Variants in PPP2CB observed in about 807,000 individuals in gnomAD.
PPP2CB encodes serine/threonine-protein phosphatase 2A catalytic subunit beta isoform.
A neutral mutation model predicts 39.1 loss-of-function variants in PPP2CB; 18 were observed. The ratio of observed to expected loss-of-function variants is 0.46; its 90% CI spans 0.32 to 0.68. The LOEUF is 0.68. Among genes scored for constraint, PPP2CB ranks in the 30% least tolerant of loss-of-function variants. PPP2CB has a pLI of 0.04. For missense variants in PPP2CB, 226 were observed against 396.9 expected (o/e 0.57, Z 3.66); for synonymous variants, 129 against 133.8 (o/e 0.96, Z 0.25).
At position 30,793,905 on chromosome 8, in the gene PPP2CB, GA is replaced by G; in HGVS notation, c.738+11del. 4.4e-6 allele frequency: 7 copies of G among 1,603,898 alleles called. No individual in the cohort carries two copies. Among genetic ancestry groups the G allele is most frequent in the Non-Finnish European group, 6.0e-6 (7 of 1,175,788 alleles). On this transcript the variant is annotated intron_variant, in intron 5 of 6. Transcript: ENST00000221138. The stretch of plus-strand genomic sequence containing the variant: ...TCTGAAATAAAGATCATTCTGTCAG[GA>G]AAGTACATACCTCCATTACAAGCTG...
At chr8:30,805,210 TA>T (rs1349634605) in intron 1 of PPP2CB, among the ~76,000 whole-genome samples, 1 of 152,174 alleles carries the variant, frequency 6.6e-6, no homozygotes, top group Non-Finnish European at 1.5e-5. Flanking sequence ...ATCCAGGACA[TA>T]AATATCATGC....
At chr8:30,792,346 C>T (rs888587264) in intron 5 of PPP2CB, among the ~76,000 whole-genome samples, 5 of 150,280 alleles carry the variant, frequency 3.3e-5, no homozygotes, top group South Asian at 2.1e-4. Context: ...CGAGCCACCA[C>T]GCCAGCTCAT....
chr8:30,792,275 GAA>G (rs1341441695), intron 5 of PPP2CB, among the ~76,000 whole-genome samples: 2 of 148,792 alleles, frequency 1.3e-5, no homozygotes, highest in Non-Finnish European at 3.0e-5. Flanking sequence ...GGCTGGTCTC[GAA>G]CTCCTGAGCT....
intron 1 of PPP2CB, among the ~76,000 whole-genome samples, chr8:30,806,976 C>T (rs1258564999): frequency 1.3e-5 from 2 of 152,104 alleles, no homozygotes; most frequent in Non-Finnish European, 2.9e-5. Flanking sequence ...GTAACAAAGT[C>T]CACTTTCCCG....
At chr8:30,795,112 GATTTT>G (rs1806498439) in intron 3 of PPP2CB, among the ~76,000 whole-genome samples, 1 of 147,116 alleles carries the variant, frequency 6.8e-6, no homozygotes, top group South Asian at 2.1e-4. Flanking sequence ...TTTTCTTTCT[GATTTT>G]GATTTTTTTT....
At chr8:30,800,735 G>GGCCTT (rs1806607330) in intron 1 of PPP2CB, among the ~76,000 whole-genome samples, 2 of 152,200 alleles carry the variant, frequency 1.3e-5, no homozygotes, top group African/African-American at 2.4e-5. Flanking sequence ...CACCAGAAGA[G>GGCCTT]ACTCTCAGGC....
intron 6 of PPP2CB, among the ~76,000 whole-genome samples, chr8:30,788,616 T>C (rs1164251276): frequency 1.8e-4 from 27 of 152,250 alleles, no homozygotes. Context: ...CTAATCTTCT[T>C]AAATTGCCTG....
chr8:30,800,155 C>T (rs937271325), intron 1 of PPP2CB, among the ~76,000 whole-genome samples: 10 of 152,136 alleles, frequency 6.6e-5, no homozygotes, highest in African/African-American at 2.4e-4. Flanking sequence ...TAGAAACCAC[C>T]AGATATTGAT....
chr8:30,793,808 C>T, intron 5 of PPP2CB, 109 bp downstream of exon 5: 1 of 1,278,076 alleles, frequency 7.8e-7, no homozygotes. Flanking sequence ...TTCCTCTTTT[C>T]ACCTAGGTAA....
At chr8:30,810,067 A>G (rs1390760091) in intron 1 of PPP2CB, 1 of 152,266 alleles carries the variant, frequency 6.6e-6, no homozygotes, top group Admixed American at 6.5e-5. Context: ...AAATACAGAA[A>G]GCTTCCTCAA....
At position 30,812,564 on chromosome 8, in the gene PPP2CB, C is replaced by T. The variant is rs1806860304; in HGVS notation, c.-143G>A. 9.2e-6 allele frequency: 4 copies of T among 435,520 alleles called. No homozygotes were observed. The highest frequency in any genetic ancestry group is 2.1e-5 in the African/African-American group (1 of 47,316). 27.0% of individuals were successfully genotyped at this position (435,520 alleles called of 1,614,324 possible). On this transcript the variant is annotated 5_prime_UTR_variant, in exon 1 of 7. Transcript: ENST00000221138. ...AGGTCCCACAGGGGGAGGACTGAGC[C>T]GGGTAGGGCGGCCGCGGGCCCCGCG...
chr8:30,799,631 G>A lies in PPP2CB; in HGVS notation c.227C>T (p.Pro76Leu), dbSNP rs373456799. The change falls in exon 2 of 7, where the codon CCG becomes CTG. Residue 76 changes from proline to leucine, a missense_variant. By Grantham distance (98) the Pro-to-Leu change is moderately conservative (BLOSUM62 -3). Transcript: ENST00000221138. ...MELFRIGGKS[P>L]DTNYLFMGDY... The stretch of plus-strand genomic sequence containing the variant: ...ACCCATGAATAAGTAGTTTGTATCC[G>A]GTGATTTTCCACCAATTCTAAAGAG... 8 of 1,613,750 alleles carry A rather than the reference G, an allele frequency of 5.0e-6. No homozygotes were observed. The highest frequency in any genetic ancestry group is 6.8e-6 in the Non-Finnish European group (8 of 1,179,876).
chr8:30,796,377 A>G (rs962158232), intron 3 of PPP2CB, among the ~76,000 whole-genome samples: 3 of 152,110 alleles, frequency 2.0e-5, no homozygotes, highest in African/African-American at 4.8e-5. Flanking sequence ...TATATGTTTT[A>G]TATTTATTTA....
chr8:30,786,169 T>A lies in PPP2CB; in HGVS notation c.*66A>T. 1 of 1,322,246 alleles carries A rather than the reference T, an allele frequency of 7.6e-7. No individual in the cohort carries two copies. Among genetic ancestry groups the A allele is most frequent in the Non-Finnish European group, 1.0e-6 (1 of 961,464 alleles). 81.9% of individuals were successfully genotyped at this position (1,322,246 alleles called of 1,614,324 possible). A position where few individuals can be genotyped will look rare whatever the true frequency, so the allele number is the denominator to read the frequency against. ...ATAGATTACTGTTGCTTTTTGTTTT[T>A]AAATACATATATTTTAAAAAGCCAG... On this transcript the variant is annotated 3_prime_UTR_variant, in exon 7 of 7. Coordinates refer to ENST00000221138, the MANE Select transcript of PPP2CB (RefSeq NM_001009552.2).
intron 1 of PPP2CB, among the ~76,000 whole-genome samples, chr8:30,805,037 T>C (rs960289530): frequency 6.6e-6 from 1 of 152,136 alleles, no homozygotes; most frequent in Non-Finnish European, 1.5e-5. Flanking sequence ...GTCTGGTACA[T>C]AGTGGTTCAA....
chr8:30,786,472 T>C (rs1021421277), intron 6 of PPP2CB, 165 bp from the exon 7 acceptor site: 14 of 494,740 alleles, frequency 2.8e-5, no homozygotes, highest in Admixed American at 4.3e-5. Context: ...GATGCTCCCA[T>C]TCCAACTAAC....
At chr8:30,801,317 G>A (rs549965626) in intron 1 of PPP2CB, among the ~76,000 whole-genome samples, 1 of 152,130 alleles carries the variant, frequency 6.6e-6, no homozygotes, top group Admixed American at 6.5e-5. Context: ...TGGATCACGA[G>A]GTCAGGAGAT....
At chr8:30,800,520 TAA>T (rs1806603278) in intron 1 of PPP2CB, among the ~76,000 whole-genome samples, 1 of 152,192 alleles carries the variant, frequency 6.6e-6, no homozygotes, top group Non-Finnish European at 1.5e-5. Context: ...TTTATAGAAT[TAA>T]GTTAGAAAAT....
Position 30,788,051 on chromosome 8 carries a change from C to G in PPP2CB, c.858-1744G>C, listed in dbSNP as rs140876520. Among the ~76,000 whole-genome samples the G allele has an allele frequency of 1.8e-4, 28 of 152,140 alleles. No homozygotes were observed. The East Asian group carries it at 4.2e-3, about 23-fold the overall frequency. On this transcript the variant is annotated intron_variant, in intron 6 of 6. Coordinates refer to ENST00000221138, the MANE Select transcript of PPP2CB (RefSeq NM_001009552.2). ...TCTCTAGTGATTTGGTAATGTGAGT[C>G]TTTACTCCTTTTTTTCTTGGCCAGT...
Sources: gnomAD v4.1 joint callset for allele counts (sites outside exome capture counted in the v4.1 genomes callset) on GRCh38, gnomAD v4.1.1 for gene constraint, MANE v1.5 for transcripts, NCBI Gene and HGNC (gene_info 2026-07-23, HGNC 2026-07-21) for gene names.